Variants in DISC1 observed in about 807,000 individuals in gnomAD.
The protein encoded by DISC1 is disrupted in schizophrenia 1 protein.
In DISC1, 57 loss-of-function variants were observed where a neutral mutation model predicts 84.5. That is an observed-to-expected ratio of 0.67 (90% CI 0.55 to 0.84). The LOEUF (loss-of-function observed/expected upper bound fraction) is 0.84, where lower values mean the gene tolerates loss of function less well. Ranked by LOEUF, DISC1 falls within the 40% of genes least tolerant of loss-of-function variation. The probability of loss-of-function intolerance (pLI) is 0.00; values close to 1 mark genes in which losing one functional copy is unlikely to be tolerated. For synonymous variants in DISC1, 411 were observed against 415.2 expected (o/e 0.99, Z 0.12); for missense variants, 1,000 against 1,057.8 (o/e 0.95, Z 0.76).
intron 9 of DISC1, among the ~76,000 whole-genome samples, chr1:231,907,718 T>A (rs1373562004): frequency 6.6e-6 from 1 of 152,216 alleles, no homozygotes; most frequent in African/African-American, 2.4e-5. Context: ...TCAAATGGTA[T>A]TTCTAGTTCT....
chr1:231,987,303 G>A (rs1664582728), intron 10 of DISC1, among the ~76,000 whole-genome samples: 1 of 152,168 alleles, frequency 6.6e-6, no homozygotes, highest in Admixed American at 6.5e-5. Flanking sequence ...TTTTCGCTTA[G>A]CCTGAATGCC....
intron 9 of DISC1, among the ~76,000 whole-genome samples, chr1:231,893,427 GA>G (rs1166802265): frequency 6.6e-6 from 1 of 152,170 alleles, no homozygotes; most frequent in Non-Finnish European, 1.5e-5. Flanking sequence ...GTATAGGACA[GA>G]AAATTATCTT....
chr1:231,959,344 T>G, intron 10 of DISC1: 1 of 985,962 alleles, frequency 1.0e-6, no homozygotes, highest in Non-Finnish European at 1.2e-6. Context: ...GGTTGCTTTT[T>G]TTAAAACCCA....
At position 231,887,274 on chromosome 1, in the gene DISC1, A is replaced by C. The variant is rs550137972; in HGVS notation, c.1981+68757A>C. ...AGCAACTCTTAAAGACAGATGGACC[A>C]GCCATGTCTTCAAAGTGTTGGCTTC... On this transcript the variant is annotated intron_variant, in intron 9 of 12. Coordinates refer to ENST00000439617, the MANE Select transcript of DISC1 (RefSeq NM_018662.3). 4.6e-5 allele frequency among the ~76,000 whole-genome samples: 7 copies of C among 152,356 alleles called. 1 individual carries two copies. The South Asian group carries it at 1.4e-3, about 32-fold the overall frequency.
At chr1:231,823,392 A>G (rs2125785566) in intron 9 of DISC1, among the ~76,000 whole-genome samples, 1 of 152,308 alleles carries the variant, frequency 6.6e-6, no homozygotes, top group South Asian at 2.1e-4. Context: ...GACAGAAGAA[A>G]ATGCCAATGT....
intron 3 of DISC1, among the ~76,000 whole-genome samples, chr1:231,730,335 C>A (rs957348070): frequency 9.9e-5 from 15 of 152,104 alleles, no homozygotes; most frequent in Non-Finnish European, 1.8e-4. Context: ...ATAAAGAAGC[C>A]AATGAAAAAG....
At chr1:231,843,741 G>C (rs1574216836) in intron 9 of DISC1, among the ~76,000 whole-genome samples, 1 of 152,230 alleles carries the variant, frequency 6.6e-6, no homozygotes, top group Non-Finnish European at 1.5e-5. Flanking sequence ...ACCGGTGGGG[G>C]GTATTCATTA....
At chr1:231,924,684 TC>T (rs2090234957) in intron 9 of DISC1, among the ~76,000 whole-genome samples, 2 of 148,162 alleles carry the variant, frequency 1.3e-5, no homozygotes, top group African/African-American at 2.5e-5. Flanking sequence ...TGAGATGGAG[TC>T]TCACTCTGTC....
chr1:231,868,692 T>TTTTTTATATA (rs2085227096), intron 9 of DISC1, among the ~76,000 whole-genome samples: 1 of 108,842 alleles, frequency 9.2e-6, no homozygotes, highest in Non-Finnish European at 1.9e-5. Context: ...ACCCCATCTC[T>TTTTTTATATA]TATATATATA....
At chr1:231,797,037 A>T (rs1334829925) in intron 7 of DISC1, among the ~76,000 whole-genome samples, 14 of 152,160 alleles carry the variant, frequency 9.2e-5, no homozygotes, top group Admixed American at 9.2e-4. Context: ...TCTGCTGTTT[A>T]TCAGGTGCGT....
At chr1:231,704,936 G>A (rs1159606812) in intron 3 of DISC1, among the ~76,000 whole-genome samples, 1 of 152,078 alleles carries the variant, frequency 6.6e-6, no homozygotes, top group Non-Finnish European at 1.5e-5. Flanking sequence ...AAGGCATGCT[G>A]AATGCCGTCC....
At chr1:231,839,151 A>G (rs1197119748) in intron 9 of DISC1, among the ~76,000 whole-genome samples, 1 of 152,164 alleles carries the variant, frequency 6.6e-6, no homozygotes, top group Non-Finnish European at 1.5e-5. Flanking sequence ...GGGCAGAAAT[A>G]GTGTTGTTTT....
At chr1:231,876,381 G>C (rs913531443) in intron 9 of DISC1, among the ~76,000 whole-genome samples, 2 of 152,192 alleles carry the variant, frequency 1.3e-5, no homozygotes, top group African/African-American at 4.8e-5. Context: ...GGAGATGCCA[G>C]CCTCATGCTG....
intron 1 of DISC1, among the ~76,000 whole-genome samples, chr1:231,628,195 C>T (rs1218418251): frequency 3.9e-5 from 6 of 152,190 alleles, no homozygotes; most frequent in Non-Finnish European, 8.8e-5. Flanking sequence ...TACATGAAGT[C>T]CTCTGAGGTT....
intron 9 of DISC1, among the ~76,000 whole-genome samples, chr1:231,845,975 C>T (rs1189270150): frequency 6.6e-6 from 1 of 151,906 alleles, no homozygotes; most frequent in African/African-American, 2.4e-5. Flanking sequence ...AGGTGGAGGT[C>T]CAGGATCAAG....
chr1:231,979,870 G>A (rs558953139), intron 10 of DISC1, among the ~76,000 whole-genome samples: 21 of 152,048 alleles, frequency 1.4e-4, no homozygotes, highest in Admixed American at 3.3e-4. Flanking sequence ...CAGTTAAATC[G>A]CAGAGTTTTA....
chr1:231,797,560 T>C (rs1256011228), intron 7 of DISC1, among the ~76,000 whole-genome samples: 3 of 152,164 alleles, frequency 2.0e-5, no homozygotes, highest in African/African-American at 7.2e-5. Context: ...GCGGGGTCTC[T>C]GGGGCTTCTT....
At chr1:231,901,871 A>G (rs570342130) in intron 9 of DISC1, among the ~76,000 whole-genome samples, 3 of 152,124 alleles carry the variant, frequency 2.0e-5, no homozygotes, top group Admixed American at 6.5e-5. Context: ...TTTGCCTTGT[A>G]TCTTATCCTG....
At position 231,911,413 on chromosome 1, in the gene DISC1, T is replaced by G. The variant is rs7537317; in HGVS notation, c.1982-47415T>G. On this transcript the variant is annotated intron_variant, in intron 9 of 12. Coordinates refer to ENST00000439617, the MANE Select transcript of DISC1 (RefSeq NM_018662.3). ...CAGCATTTGCTTGTCTATAAAGAAT[T>G]TTATTTCTCCTTTGCTTATGTAGCT... 6.5e-3 allele frequency among the ~76,000 whole-genome samples: 987 copies of G among 152,300 alleles called. 7 individuals carry two copies. The highest frequency in any genetic ancestry group is 0.021 in the African/African-American group (871 of 41,554).
Sources: allele counts gnomAD v4.1 joint callset (sites outside exome capture counted in the v4.1 genomes callset), GRCh38; gene constraint gnomAD v4.1.1; transcripts MANE v1.5; gene names NCBI Gene and HGNC (gene_info 2026-07-23, HGNC 2026-07-21).